RAD51B: variants seen among roughly 807,000 people sequenced by gnomAD.
The protein encoded by RAD51B is DNA repair protein RAD51 homolog 2.
Under a neutral mutation model 42.2 loss-of-function variants are expected in RAD51B, and 38 were observed. The ratio of observed to expected loss-of-function variants is 0.90; its 90% CI spans 0.70 to 1.18. The LOEUF (loss-of-function observed/expected upper bound fraction) is 1.18. Ranked by LOEUF, RAD51B falls within the 50% of genes most tolerant of loss-of-function variation. The pLI, the probability that RAD51B is intolerant of heterozygous loss-of-function variation, is 0.00. For missense variants in RAD51B, 373 were observed against 400.7 expected, an observed-to-expected ratio of 0.93 and a Z score of 0.59; for synonymous variants, 154 against 145.2, an observed-to-expected ratio of 1.06 and a Z score of -0.43.
chr14:67,930,855 C>T (rs530860383), intron 7 of RAD51B, among the ~76,000 whole-genome samples: 41 of 151,052 alleles, frequency 2.7e-4, no homozygotes, highest in African/African-American at 7.5e-4. Flanking sequence ...TATATCATGA[C>T]GACTTTGTTC....
intron 9 of RAD51B, among the ~76,000 whole-genome samples, chr14:68,423,331 G>T (rs186283933): frequency 6.6e-6 from 1 of 152,154 alleles, no homozygotes; most frequent in African/African-American, 2.4e-5. Flanking sequence ...AAGCCCCAGC[G>T]GCCCTGGCTC....
intron 10 of RAD51B, 25 bp downstream of exon 10, chr14:68,468,275 T>G: frequency 6.3e-7 from 1 of 1,590,490 alleles, no homozygotes; most frequent in Non-Finnish European, 8.6e-7. Context: ...TTAAGCCATT[T>G]CTTTAAGCTT....
intron 7 of RAD51B, among the ~76,000 whole-genome samples, chr14:68,247,075 G>A (rs879163261): frequency 3.3e-5 from 5 of 151,984 alleles, no homozygotes; most frequent in South Asian, 4.2e-4. Flanking sequence ...CATAATCTAG[G>A]CACAGATAAT....
chr14:68,608,202 C>T (rs934869950), intron 10 of RAD51B, among the ~76,000 whole-genome samples: 3 of 152,246 alleles, frequency 2.0e-5, no homozygotes, highest in Non-Finnish European at 4.4e-5. Flanking sequence ...CCAAACACCA[C>T]ATTTCCAGAA....
At chr14:67,895,212 T>A (rs556092741) in intron 7 of RAD51B, among the ~76,000 whole-genome samples, 20 of 152,194 alleles carry the variant, frequency 1.3e-4, no homozygotes, top group African/African-American at 4.6e-4. Context: ...TAGCTCTTAG[T>A]CTTTAGCGTT....
At chr14:68,323,497 A>G (rs1355582451) in intron 8 of RAD51B, among the ~76,000 whole-genome samples, 1 of 152,208 alleles carries the variant, frequency 6.6e-6, no homozygotes, top group Non-Finnish European at 1.5e-5. Flanking sequence ...AGTACAAACA[A>G]GAAAGAACTA....
At chr14:68,034,707 T>C (rs888394735) in intron 7 of RAD51B, among the ~76,000 whole-genome samples, 2 of 152,162 alleles carry the variant, frequency 1.3e-5, no homozygotes, top group Non-Finnish European at 2.9e-5. Context: ...CAGATACAAA[T>C]ACCACTTTTA....
chr14:67,909,955 C>CA (rs773814516), intron 7 of RAD51B, among the ~76,000 whole-genome samples: 51 of 152,030 alleles, frequency 3.4e-4, no homozygotes, highest in African/African-American at 1.1e-3. Context: ...CACATGTGGC[C>CA]AAAAAATACT....
intron 4 of RAD51B, among the ~76,000 whole-genome samples, chr14:67,849,405 C>T (rs2041729746): frequency 6.6e-6 from 1 of 152,182 alleles, no homozygotes; most frequent in South Asian, 2.1e-4. Flanking sequence ...CCTCAGCCTC[C>T]CAAGTAGCTG....
At chr14:68,391,178 C>CTTTCTTTCTTTCTT (rs2083747603) in intron 8 of RAD51B, among the ~76,000 whole-genome samples, 1 of 149,370 alleles carries the variant, frequency 6.7e-6, no homozygotes, top group African/African-American at 2.5e-5. Flanking sequence ...TTCTTTCTTT[C>CTTTCTTTCTTTCTT]TTTCTTCTTT....
intron 7 of RAD51B, among the ~76,000 whole-genome samples, chr14:67,893,497 C>A (rs866016239): frequency 0.18 from 13,386 of 76,430 alleles, 1,530 homozygotes; most frequent in African/African-American, 0.24. Flanking sequence ...CACACACACA[C>A]ACACACACAC....
At chr14:67,964,637 A>G (rs2074734070) in intron 7 of RAD51B, among the ~76,000 whole-genome samples, 1 of 151,586 alleles carries the variant, frequency 6.6e-6, no homozygotes, top group South Asian at 2.1e-4. Context: ...TTTTTCCCCC[A>G]TATTGTTAAA....
At chr14:68,154,194 C>A (rs2078451537) in intron 7 of RAD51B, among the ~76,000 whole-genome samples, 1 of 152,124 alleles carries the variant, frequency 6.6e-6, no homozygotes, top group African/African-American at 2.4e-5. Flanking sequence ...ATTTGTATTC[C>A]TATAAATTTT....
chr14:68,195,922 A>C (rs1167993476), intron 7 of RAD51B, among the ~76,000 whole-genome samples: 48 of 135,340 alleles, frequency 3.5e-4, no homozygotes, highest in African/African-American at 1.3e-3. Flanking sequence ...AAAAAAAAAA[A>C]AAACAACAAT....
At position 68,246,303 on chromosome 14, in the gene RAD51B, GA is replaced by G. The variant is rs960728056; in HGVS notation, c.757-45570del. Among the ~76,000 whole-genome samples the G allele has an allele frequency of 5.7e-3, 838 of 145,916 alleles. 6 individuals carry two copies. The highest frequency in any genetic ancestry group is 0.02 in the African/African-American group (781 of 39,906). On this transcript the variant is annotated intron_variant, in intron 7 of 10. Coordinates refer to ENST00000471583, the MANE Select transcript of RAD51B (RefSeq NM_133510.4). ...CTCCAGCAGATTATTGGAAAGCCTT[GA>G]AAAAAAAAAATCTTTTTGACAAAAA...
chr14:68,009,974 C>A (rs2075656612), intron 7 of RAD51B, among the ~76,000 whole-genome samples: 1 of 151,690 alleles, frequency 6.6e-6, no homozygotes, highest in African/African-American at 2.4e-5. Flanking sequence ...TGCTTATTTC[C>A]ACTTCTTTTT....
At chr14:68,021,607 C>A (rs72725165) in intron 7 of RAD51B, among the ~76,000 whole-genome samples, 1 of 151,978 alleles carries the variant, frequency 6.6e-6, no homozygotes, top group African/African-American at 2.4e-5. Flanking sequence ...TGACATTTGT[C>A]CCCCAACTCC....
At chr14:68,045,097 G>A (rs997066071) in intron 7 of RAD51B, among the ~76,000 whole-genome samples, 1 of 151,822 alleles carries the variant, frequency 6.6e-6, no homozygotes, top group Admixed American at 6.6e-5. Context: ...TTAGCCAGGT[G>A]TGGTGGTGCA....
At chr14:68,100,883 G>C (rs773330507) in intron 7 of RAD51B, among the ~76,000 whole-genome samples, 5 of 152,272 alleles carry the variant, frequency 3.3e-5, no homozygotes, top group Non-Finnish European at 7.4e-5. Flanking sequence ...CTATTAGTCT[G>C]TTCTCACCTG....
Sources: allele counts gnomAD v4.1 joint callset (sites outside exome capture counted in the v4.1 genomes callset), GRCh38; gene constraint gnomAD v4.1.1; transcripts MANE v1.5; gene names NCBI Gene and HGNC (gene_info 2026-07-23, HGNC 2026-07-21).